PSMA8: variants seen among roughly 807,000 people sequenced by gnomAD.
PSMA8 encodes the protein proteasome 20S subunit alpha 8.
A neutral mutation model predicts 32.4 loss-of-function variants in PSMA8; 18 were observed. The observed-to-expected ratio is 0.56, with a 90% CI of 0.38 to 0.82. The LOEUF is 0.82. Ranked by LOEUF, PSMA8 falls within the 40% of genes least tolerant of loss-of-function variation. The pLI, the probability that PSMA8 is intolerant of heterozygous loss-of-function variation, is 0.00. For missense variants in PSMA8, 298 were observed against 300.7 expected (o/e 0.99, Z 0.07); for synonymous variants, 104 against 98.1 (o/e 1.06, Z -0.36).
chr18:26,189,783 C>T (rs1176830812), intron 6 of PSMA8, among the ~76,000 whole-genome samples: 1 of 152,052 alleles, frequency 6.6e-6, no homozygotes, highest in Admixed American at 6.6e-5. Flanking sequence ...TCCAGCAATC[C>T]CACTACTGGG....
intron 6 of PSMA8, 52 bp from the exon 7 acceptor site, chr18:26,192,267 C>T: frequency 8.0e-7 from 1 of 1,244,514 alleles, no homozygotes; most frequent in Non-Finnish European, 1.1e-6. Flanking sequence ...ATTGTATTTA[C>T]ATATTATTCG....
At chr18:26,158,695 C>G (rs2055110767) in intron 4 of PSMA8, among the ~76,000 whole-genome samples, 1 of 152,176 alleles carries the variant, frequency 6.6e-6, no homozygotes, top group Non-Finnish European at 1.5e-5. Context: ...TAGTACGTAG[C>G]AATGATCTCT....
At chr18:26,174,058 C>T (rs987225782) in intron 4 of PSMA8, among the ~76,000 whole-genome samples, 1 of 151,834 alleles carries the variant, frequency 6.6e-6, no homozygotes, top group Admixed American at 6.6e-5. Flanking sequence ...TGTTTCATTT[C>T]TTCTGTTGAC....
intron 4 of PSMA8, among the ~76,000 whole-genome samples, 176 bp from the exon 5 acceptor site, chr18:26,178,654 C>G (rs942166575): frequency 3.3e-5 from 5 of 152,200 alleles, no homozygotes; most frequent in Non-Finnish European, 5.9e-5. Flanking sequence ...ACAGACTATT[C>G]TGATAGTAAC....
intron 1 of PSMA8, among the ~76,000 whole-genome samples, chr18:26,135,173 A>G (rs1027615199): frequency 6.6e-6 from 1 of 152,236 alleles, no homozygotes; most frequent in Admixed American, 6.5e-5. Flanking sequence ...AACTACGTTC[A>G]ATAATTTTAG....
chr18:26,135,091 A>C (rs1313125626), intron 1 of PSMA8, among the ~76,000 whole-genome samples: 1 of 152,208 alleles, frequency 6.6e-6, no homozygotes, highest in African/African-American at 2.4e-5. Context: ...ACCCTACCTT[A>C]GATTTATGTA....
At chr18:26,172,053 C>G (rs1400806669) in intron 4 of PSMA8, among the ~76,000 whole-genome samples, 1 of 152,170 alleles carries the variant, frequency 6.6e-6, no homozygotes, top group Non-Finnish European at 1.5e-5. Context: ...TGTTTTATAG[C>G]AAGCAATAAG....
At chr18:26,150,038 G>A (rs770748585) in intron 2 of PSMA8, among the ~76,000 whole-genome samples, 9 of 152,166 alleles carry the variant, frequency 5.9e-5, no homozygotes, top group Non-Finnish European at 1.2e-4. Flanking sequence ...AATCCAAAAT[G>A]TTCCAAAATC....
intron 4 of PSMA8, among the ~76,000 whole-genome samples, chr18:26,175,411 A>G (rs1327525413): frequency 1.3e-5 from 2 of 152,194 alleles, no homozygotes; most frequent in Non-Finnish European, 2.9e-5. Flanking sequence ...TTCAGTTGAC[A>G]CCATGGAGTG....
chr18:26,158,926 T>A (rs1344117938), intron 4 of PSMA8, among the ~76,000 whole-genome samples: 3 of 152,092 alleles, frequency 2.0e-5, no homozygotes, highest in African/African-American at 7.2e-5. Context: ...TGAGTTATAA[T>A]CATGTCTCTG....
chr18:26,183,155 GC>G (rs1418769034), intron 6 of PSMA8, among the ~76,000 whole-genome samples: 11 of 150,150 alleles, frequency 7.3e-5, no homozygotes, highest in African/African-American at 2.5e-4. Flanking sequence ...ACTTTGGGAG[GC>G]CAAGGTGGGT....
rs2055107172 is a variant in PSMA8, at chr18:26,158,261, T to G, written c.477+17T>G. The G allele has an allele frequency of 6.4e-7, 1 of 1,571,138 alleles. No homozygotes were observed. Among genetic ancestry groups the G allele is most frequent in the Non-Finnish European group, 8.6e-7 (1 of 1,158,570 alleles). The stretch of plus-strand genomic sequence containing the variant: ...GCTTGGAAGGTGAGTCATGAATTTA[T>G]TAATACTTTTTTAGAAGTTTAGTAA... On this transcript the variant is annotated intron_variant, in intron 4 of 6. Coordinates refer to ENST00000415576, the MANE Select transcript of PSMA8 (RefSeq NM_001025096.2).
At chr18:26,146,660 G>A (rs568051669) in intron 2 of PSMA8, among the ~76,000 whole-genome samples, 3 of 152,134 alleles carry the variant, frequency 2.0e-5, no homozygotes, top group African/African-American at 7.2e-5. Flanking sequence ...CTACTTGGGA[G>A]GCTGGGCTGG....
chr18:26,139,952 T>C lies in PSMA8; in HGVS notation c.103-4607T>C, dbSNP rs145667843. On this transcript the variant is annotated intron_variant, in intron 1 of 6. Transcript: ENST00000415576. Reference sequence around the variant, plus strand: ...ATCTCGCTTGTTTATCTCTGTACTCTTGTAGCTTACTGAGCTTTTAAAAGA... The same window carrying C: ...ATCTCGCTTGTTTATCTCTGTACTCCTGTAGCTTACTGAGCTTTTAAAAGA... The C allele has an allele frequency of 8.2e-5, 55 of 671,644 alleles. No individual in the cohort carries two copies. In the African/African-American group the frequency reaches 8.9e-4, roughly 11 times the overall value. 41.6% of individuals were successfully genotyped at this position (671,644 alleles called of 1,614,324 possible).
intron 2 of PSMA8, among the ~76,000 whole-genome samples, chr18:26,149,033 G>A (rs2055025237): frequency 6.6e-6 from 1 of 151,898 alleles, no homozygotes; most frequent in South Asian, 2.1e-4. Context: ...TGTAGAGACA[G>A]GATCTCACTA....
At chr18:26,149,043 A>G (rs1454502951) in intron 2 of PSMA8, among the ~76,000 whole-genome samples, 1 of 151,886 alleles carries the variant, frequency 6.6e-6, no homozygotes, top group Non-Finnish European at 1.5e-5. Flanking sequence ...GGATCTCACT[A>G]TGTTGCCCAG....
At chr18:26,149,606 G>T (rs916101350) in intron 2 of PSMA8, among the ~76,000 whole-genome samples, 2 of 152,144 alleles carry the variant, frequency 1.3e-5, no homozygotes, top group African/African-American at 4.8e-5. Context: ...ATTGAATAGA[G>T]AACATAGTAA....
chr18:26,173,623 C>G (rs898990195), intron 4 of PSMA8, among the ~76,000 whole-genome samples: 2 of 150,934 alleles, frequency 1.3e-5, no homozygotes, highest in Admixed American at 6.6e-5. Flanking sequence ...ATGGCACGAT[C>G]TGGGCTCACT....
At chr18:26,160,688 G>C (rs2055128496) in intron 4 of PSMA8, among the ~76,000 whole-genome samples, 1 of 152,210 alleles carries the variant, frequency 6.6e-6, no homozygotes, top group Admixed American at 6.5e-5. Context: ...ATGCTATTTT[G>C]TAGGCTTATG....
Sources: allele counts gnomAD v4.1 joint callset (sites outside exome capture counted in the v4.1 genomes callset), GRCh38; gene constraint gnomAD v4.1.1; transcripts MANE v1.5; gene names NCBI Gene and HGNC (gene_info 2026-07-23, HGNC 2026-07-21).